The following PLA2G5 variants were observed in gnomAD, a reference collection of about 807,000 sequenced individuals.
The protein encoded by PLA2G5 is phospholipase A2 group V, also known as Ca2+-dependent phospholipase A2.
PLA2G5 carries 12 observed loss-of-function variants against 15.9 expected under a neutral mutation model. The ratio of observed to expected loss-of-function variants is 0.76; its 90% CI spans 0.48 to 1.23. The LOEUF (loss-of-function observed/expected upper bound fraction) is 1.23, where lower values mean the gene tolerates loss of function less well. PLA2G5 is among the 50% of genes most tolerant of loss of function. The pLI, the probability that PLA2G5 is intolerant of heterozygous loss-of-function variation, is 0.00. For missense variants in PLA2G5, 169 were observed against 177.1 expected (o/e 0.95, Z 0.26); for synonymous variants, 71 against 71.4 (o/e 0.99, Z 0.03).
intron 1 of PLA2G5, among the ~76,000 whole-genome samples, chr1:20,038,528 T>C (rs1426899328): frequency 6.6e-6 from 1 of 152,154 alleles, no homozygotes; most frequent in Admixed American, 6.5e-5. Flanking sequence ...GGTTAAATCC[T>C]TCTGTAATCC....
upstream of PLA2G5, among the ~76,000 whole-genome samples, chr1:20,065,813 A>C (rs748089476): frequency 1.3e-5 from 2 of 152,190 alleles, no homozygotes; most frequent in Non-Finnish European, 2.9e-5. Flanking sequence ...CAATTGCTGG[A>C]TTGAATGGTA....
chr1:20,051,544 T>C (rs533358420), intron 1 of PLA2G5, among the ~76,000 whole-genome samples: 1 of 152,336 alleles, frequency 6.6e-6, no homozygotes, highest in Admixed American at 6.5e-5. Flanking sequence ...TTAGAACATA[T>C]TTGTTTATCT....
intron 1 of PLA2G5, among the ~76,000 whole-genome samples, chr1:20,081,785 T>A (rs1232252944): frequency 6.6e-6 from 1 of 151,750 alleles, no homozygotes; most frequent in Non-Finnish European, 1.5e-5. Context: ...GAAGAAAGAA[T>A]TCTCATGGCT....
intron 1 of PLA2G5, among the ~76,000 whole-genome samples, chr1:20,039,028 G>A (rs1022770258): frequency 6.6e-6 from 1 of 152,180 alleles, no homozygotes; most frequent in African/African-American, 2.4e-5. Flanking sequence ...GAGAGGCTGT[G>A]GGACTGGGTT....
chr1:20,085,965 G>A (rs2016265039), intron 2 of PLA2G5, 118 bp from the exon 3 acceptor site: 1 of 936,416 alleles, frequency 1.1e-6, no homozygotes, highest in Admixed American at 2.6e-5. Flanking sequence ...GAATAAAAAA[G>A]AGACATGCAG....
rs2016531219 is a variant in PLA2G5, at chr1:20,090,755, C to T, written c.*63C>T. The T allele has an allele frequency of 2.0e-6, 3 of 1,534,150 alleles. No individual in the cohort carries two copies. Among genetic ancestry groups the T allele is most frequent in the African/African-American group, 2.7e-5 (2 of 73,204 alleles). On this transcript the variant is annotated 3_prime_UTR_variant, in exon 5 of 5. Transcript: ENST00000375108. ...TTCTGTTTTTCTACAACACAGAGTA[C>T]TGACTCTGCCTGGTTCCTGAGAGAG...
At chr1:20,044,907 A>G (rs1262091284) in intron 1 of PLA2G5, among the ~76,000 whole-genome samples, 1 of 151,768 alleles carries the variant, frequency 6.6e-6, no homozygotes, top group African/African-American at 2.4e-5. Flanking sequence ...GAGGGGACAG[A>G]GGGGAGGGAA....
intron 1 of PLA2G5, among the ~76,000 whole-genome samples, chr1:20,074,025 G>C (rs2015528991): frequency 6.6e-6 from 1 of 152,190 alleles, no homozygotes; most frequent in Non-Finnish European, 1.5e-5. Context: ...AGTTAAAGAT[G>C]ACGGTCAGTG....
chr1:20,047,005 G>T (rs1008487608), intron 1 of PLA2G5, among the ~76,000 whole-genome samples: 1 of 152,188 alleles, frequency 6.6e-6, no homozygotes, highest in Non-Finnish European at 1.5e-5. Context: ...CAGCTCTGAA[G>T]AGAAAGGTCA....
chr1:20,033,462 GAGGGATAGA>G (rs1311970680), intron 1 of PLA2G5, among the ~76,000 whole-genome samples: 1 of 152,188 alleles, frequency 6.6e-6, no homozygotes, highest in Non-Finnish European at 1.5e-5. Context: ...AAGATGACAG[GAGGGATAGA>G]AGGGATTGAT....
chr1:20,078,827 C>A (rs986003199), intron 1 of PLA2G5, among the ~76,000 whole-genome samples: 2 of 151,998 alleles, frequency 1.3e-5, no homozygotes. Context: ...AAGTCTTTGG[C>A]GGGGTACAGT....
chr1:20,071,771 G>A (rs1416279232), intron 1 of PLA2G5, among the ~76,000 whole-genome samples: 1 of 152,074 alleles, frequency 6.6e-6, no homozygotes, highest in South Asian at 2.1e-4. Context: ...CTTTACTCAA[G>A]TGTCACCTCC....
chr1:20,049,208 A>G (rs1191037699), intron 1 of PLA2G5, among the ~76,000 whole-genome samples: 1 of 152,224 alleles, frequency 6.6e-6, no homozygotes, highest in Non-Finnish European at 1.5e-5. Context: ...AGGGATGTTC[A>G]GGACAAACCA....
At chr1:20,090,471 G>T (rs1296812903) in intron 4 of PLA2G5, 97 bp from the exon 5 acceptor site, 4 of 1,259,390 alleles carry the variant, frequency 3.2e-6, no homozygotes, top group Non-Finnish European at 4.6e-6. Context: ...TCTTCCATCA[G>T]GCTGAAAGCT....
In PLA2G5 at chr1:20,090,753, TA is replaced by T; in HGVS notation, c.*62del. On this transcript the variant is annotated 3_prime_UTR_variant, in exon 5 of 5. Coordinates refer to ENST00000375108, the MANE Select transcript of PLA2G5 (RefSeq NM_000929.3). ...TGTTCTGTTTTTCTACAACACAGAGTACTGACTCTGCCTGGTTCCTGAGAGA... is the reference window on the plus strand; with the variant it reads ...TGTTCTGTTTTTCTACAACACAGAGTCTGACTCTGCCTGGTTCCTGAGAGA... 6.4e-7 allele frequency: 1 copy of T among 1,565,730 alleles called. No homozygotes were observed. Among genetic ancestry groups the T allele is most frequent in the African/African-American group, 1.4e-5 (1 of 73,974 alleles).
intron 1 of PLA2G5, among the ~76,000 whole-genome samples, chr1:20,081,078 C>A (rs2015992595): frequency 6.6e-6 from 1 of 151,924 alleles, no homozygotes; most frequent in Non-Finnish European, 1.5e-5. Flanking sequence ...CGTCCCTTGG[C>A]AACCTGGCCA....
At chr1:20,083,807 C>T (rs1176422476) in intron 1 of PLA2G5, among the ~76,000 whole-genome samples, 1 of 151,604 alleles carries the variant, frequency 6.6e-6, no homozygotes, top group African/African-American at 2.4e-5. Context: ...GGCTGTGTGA[C>T]CTCTGGCAAG....
upstream of PLA2G5, chr1:20,065,982 T>C (rs987367254): frequency 4.6e-5 from 7 of 152,228 alleles, no homozygotes; most frequent in East Asian, 1.9e-4. Flanking sequence ...GAATAGCCAC[T>C]GCACAGATGC....
chr1:20,070,430 G>T lies in PLA2G5; in HGVS notation c.-46G>T. On this transcript the variant is annotated 5_prime_UTR_variant, in exon 1 of 5. Coordinates refer to ENST00000375108, the MANE Select transcript of PLA2G5 (RefSeq NM_000929.3). ...CCCAAGGAAGTTGCTCATGGGAGCA[G>T]ACCTCTAGAGCAGGATTTGAGGCCA... The T allele has an allele frequency of 1.0e-6, 1 of 985,500 alleles. No individual in the cohort carries two copies. Among genetic ancestry groups the T allele is most frequent in the Non-Finnish European group, 1.2e-6 (1 of 829,964 alleles). 61.0% of individuals were successfully genotyped at this position (985,500 alleles called of 1,614,324 possible).
Sources: gnomAD v4.1 joint callset for allele counts (sites outside exome capture counted in the v4.1 genomes callset) on GRCh38, gnomAD v4.1.1 for gene constraint, MANE v1.5 for transcripts, NCBI Gene and HGNC (gene_info 2026-07-23, HGNC 2026-07-21) for gene names.